Variants in ETV6 observed in about 807,000 individuals in gnomAD.
ETV6 encodes the protein transcription factor ETV6.
Under a neutral mutation model 51.1 loss-of-function variants are expected in ETV6, and 16 were observed. The observed-to-expected ratio is 0.31, with a 90% CI of 0.21 to 0.48. The LOEUF (loss-of-function observed/expected upper bound fraction) is 0.48, where lower values mean the gene tolerates loss of function less well. ETV6 is among the 20% of genes least tolerant of loss of function. ETV6 has a pLI of 0.99. For synonymous variants in ETV6, 240 were observed against 224.1 expected (o/e 1.07, Z -0.64); for missense variants, 458 against 594.8 (o/e 0.77, Z 2.39).
Position 11,869,780 on chromosome 12 carries a change from A to T in ETV6, c.820A>T (p.Met274Leu). The change falls in exon 5 of 8, where the codon ATG (methionine) becomes TTG (leucine). Residue 274 changes from methionine (M) to leucine (L), a missense_variant. Met to Leu is a conservative substitution (Grantham distance 15). This residue lies in a region of ETV6 where 293 missense variants were observed against 315.7 expected (regional missense o/e 0.93). Transcript: ENST00000396373. This position sits in a 1 kb window ranked among gnomAD's most constrained non-coding sequence, Gnocchi z 5.0. ...GATCCAGCTGATGCCCAGCCCCATCATGCACCCTCTGATCCTGAACCCCCG... is the reference window on the plus strand; with the variant it reads ...GATCCAGCTGATGCCCAGCCCCATCTTGCACCCTCTGATCCTGAACCCCCG... ...RVIQLMPSPI[M>L]HPLILNPRHS... The T allele has an allele frequency of 6.2e-7, 1 of 1,613,264 alleles. No individual in the cohort carries two copies. The highest frequency in any genetic ancestry group is 8.5e-7 in the Non-Finnish European group (1 of 1,179,986).
chr12:11,770,880 A>G (rs1945233658), intron 2 of ETV6, among the ~76,000 whole-genome samples: 1 of 151,894 alleles, frequency 6.6e-6, no homozygotes, highest in African/African-American at 2.4e-5. Context: ...AGCCTGAACA[A>G]CAGAGCAAGA....
intron 2 of ETV6, among the ~76,000 whole-genome samples, chr12:11,758,904 A>T (rs993464031): frequency 1.3e-5 from 2 of 152,086 alleles, no homozygotes; most frequent in African/African-American, 4.8e-5. Flanking sequence ...GGGTGCCTTC[A>T]CTTTTTACAT....
At chr12:11,884,339 A>T (rs149786786) in intron 5 of ETV6, 106 bp from the exon 6 acceptor site, 1 of 1,282,892 alleles carries the variant, frequency 7.8e-7, no homozygotes, top group East Asian at 2.3e-5. Flanking sequence ...CAATCAGTCA[A>T]CCCAAGCTAG....
At chr12:11,655,122 AT>A (rs935175406) in intron 1 of ETV6, among the ~76,000 whole-genome samples, 4 of 152,038 alleles carry the variant, frequency 2.6e-5, no homozygotes, top group Admixed American at 6.6e-5. Flanking sequence ...CAGCAGTTTC[AT>A]TTTTTTCACC....
intron 2 of ETV6, among the ~76,000 whole-genome samples, chr12:11,785,127 G>A (rs1188737159): frequency 6.6e-6 from 1 of 152,054 alleles, no homozygotes; most frequent in East Asian, 1.9e-4. Context: ...GGGAGAGTGG[G>A]AGAAAGGAGG....
At chr12:11,735,889 C>T (rs112256544) in intron 1 of ETV6, among the ~76,000 whole-genome samples, 2 of 152,164 alleles carry the variant, frequency 1.3e-5, no homozygotes, top group Non-Finnish European at 2.9e-5. Flanking sequence ...CGTGAACCAT[C>T]GCGCCCGGCC....
intron 1 of ETV6, among the ~76,000 whole-genome samples, chr12:11,748,859 C>A (rs1865956211): frequency 6.6e-6 from 1 of 152,154 alleles, no homozygotes; most frequent in Non-Finnish European, 1.5e-5. Flanking sequence ...CTTACGCTTT[C>A]AAGAGACAAC....
At chr12:11,827,282 C>T (rs938677135) in intron 2 of ETV6, among the ~76,000 whole-genome samples, 21 of 152,066 alleles carry the variant, frequency 1.4e-4, no homozygotes, top group Non-Finnish European at 2.4e-4. Context: ...GACAGCCTTT[C>T]GGTGGAGGGT....
intron 1 of ETV6, among the ~76,000 whole-genome samples, chr12:11,684,270 C>T (rs1864587048): frequency 6.6e-6 from 1 of 152,230 alleles, no homozygotes; most frequent in Non-Finnish European, 1.5e-5. Flanking sequence ...TAACAATCCG[C>T]TTCTGCCCTG....
chr12:11,715,175 T>C (rs1477749703), intron 1 of ETV6, among the ~76,000 whole-genome samples: 2 of 152,178 alleles, frequency 1.3e-5, no homozygotes, highest in African/African-American at 4.8e-5. Flanking sequence ...AAAACCACGA[T>C]ATTACGGAAA....
chr12:11,772,767 C>T (rs1945260734), intron 2 of ETV6, among the ~76,000 whole-genome samples: 1 of 152,192 alleles, frequency 6.6e-6, no homozygotes, highest in East Asian at 1.9e-4. Flanking sequence ...GTGATTCTCT[C>T]TGGTCTACCT....
chr12:11,864,885 G>T (rs1946770083), intron 4 of ETV6, among the ~76,000 whole-genome samples: 1 of 152,060 alleles, frequency 6.6e-6, no homozygotes, highest in Non-Finnish European at 1.5e-5. Flanking sequence ...CTTCCTCTGT[G>T]GTCTACCTCC....
chr12:11,684,001 CAATT>C (rs1035413920), intron 1 of ETV6, among the ~76,000 whole-genome samples: 1 of 151,874 alleles, frequency 6.6e-6, no homozygotes, highest in Admixed American at 6.6e-5. Context: ...AATTAATTGA[CAATT>C]AATTCAACAG....
intron 1 of ETV6, among the ~76,000 whole-genome samples, chr12:11,651,733 G>A (rs1863910156): frequency 6.6e-6 from 1 of 152,184 alleles, no homozygotes. Flanking sequence ...TAACATAGAG[G>A]TAACTAAATA....
intron 1 of ETV6, among the ~76,000 whole-genome samples, chr12:11,707,287 G>T (rs972641633): frequency 1.3e-5 from 2 of 152,240 alleles, no homozygotes; most frequent in Admixed American, 6.5e-5. Flanking sequence ...TGAGCAGCGG[G>T]CTCATTTCCC....
intron 2 of ETV6, among the ~76,000 whole-genome samples, chr12:11,792,813 G>A (rs60381336): frequency 0.014 from 2,112 of 152,194 alleles, 48 homozygotes; most frequent in African/African-American, 0.048. Context: ...AGAAAAAGGA[G>A]GAAATAAAAA....
At chr12:11,790,629 C>CGT (rs60179478) in intron 2 of ETV6, among the ~76,000 whole-genome samples, 12,908 of 150,762 alleles carry the variant, frequency 0.086, 621 homozygotes, top group South Asian at 0.12. Flanking sequence ...TTTAATCTTT[C>CGT]ATATAATTTC....
chr12:11,816,971 T>G (rs1435400928), intron 2 of ETV6, among the ~76,000 whole-genome samples: 5 of 152,218 alleles, frequency 3.3e-5, no homozygotes, highest in African/African-American at 7.2e-5. Flanking sequence ...ATTACCATAG[T>G]GGGCTGGATA....
chr12:11,738,439 C>A (rs1251493062), intron 1 of ETV6, among the ~76,000 whole-genome samples: 3 of 151,774 alleles, frequency 2.0e-5, no homozygotes, highest in Non-Finnish European at 4.4e-5. Flanking sequence ...CCTCAGCCTC[C>A]CAAGTAGCTG....
Sources: allele counts gnomAD v4.1 joint callset (sites outside exome capture counted in the v4.1 genomes callset), GRCh38; gene constraint gnomAD v4.1.1; regional missense constraint gnomAD v4.1.1; non-coding constraint Gnocchi (gnomAD v3.1); transcripts MANE v1.5; gene names NCBI Gene and HGNC (gene_info 2026-07-23, HGNC 2026-07-21).